CTC1: variants seen among roughly 807,000 people sequenced by gnomAD.
The protein encoded by CTC1 is CST telomere replication complex component 1.
A neutral mutation model predicts 136.3 loss-of-function variants in CTC1; 91 were observed. The ratio of observed to expected loss-of-function variants is 0.67; its 90% CI spans 0.56 to 0.79. The LOEUF (loss-of-function observed/expected upper bound fraction) is 0.79. CTC1 is among the 30% of genes least tolerant of loss of function. CTC1 has a pLI of 0.00. For synonymous variants in CTC1, 606 were observed against 613.8 expected, an observed-to-expected ratio of 0.99 and a Z score of 0.19; for missense variants, 1,432 against 1,498.1, an observed-to-expected ratio of 0.96 and a Z score of 0.73.
chr17:8,237,651 G>C (rs1354873973), intron 4 of CTC1, 132 bp from the exon 5 acceptor site: 2 of 151,020 alleles, frequency 1.3e-5, no homozygotes, highest in Non-Finnish European at 2.6e-5. Flanking sequence ...GGCAGCAGGA[G>C]TGAAACTACG....
At chr17:8,245,416 G>A (rs1200324821) in intron 1 of CTC1, among the ~76,000 whole-genome samples, 2 of 152,092 alleles carry the variant, frequency 1.3e-5, no homozygotes, top group Non-Finnish European at 2.9e-5. Flanking sequence ...GTTGTGGAAG[G>A]CAGACCAAAT....
rs748604135 is a variant in CTC1, at chr17:8,228,478, A to G, written c.3514+25T>C. On this transcript the variant is annotated intron_variant, in intron 22 of 22. Transcript: ENST00000651323. Reference sequence around the variant, plus strand: ...CTATCACCATGATCCCCCTATCATCATGATCCCCCCGTCTCCAACCTTACC... The same window carrying G: ...CTATCACCATGATCCCCCTATCATCGTGATCCCCCCGTCTCCAACCTTACC... 7 of 1,613,876 alleles carry G rather than the reference A, an allele frequency of 4.3e-6. No individual in the cohort carries two copies. In the Admixed American group the frequency reaches 8.3e-5, roughly 19 times the overall value.
Position 8,231,884 on chromosome 17 carries a change from C to T in CTC1, c.2385+19G>A, listed in dbSNP as rs766195246. 20 of 1,613,456 alleles carry T rather than the reference C, an allele frequency of 1.2e-5. No individual in the cohort carries two copies. The highest frequency in any genetic ancestry group is 1.3e-5 in the African/African-American group (1 of 74,898). ...TCAGGGCGCAGGTCAGGTCCTGGGT[C>T]CCTGGAGTCCCAGTTTACCTTCTGA... On this transcript the variant is annotated intron_variant, in intron 13 of 22. Coordinates refer to ENST00000651323, the MANE Select transcript of CTC1 (RefSeq NM_025099.6).
At chr17:8,238,764 T>A in intron 2 of CTC1, 135 bp from the exon 3 acceptor site, 1 of 637,668 alleles carries the variant, frequency 1.6e-6, no homozygotes, top group Non-Finnish European at 2.7e-6. Flanking sequence ...TTTGATTGAT[T>A]AAAGGGGTAA....
chr17:8,237,616 G>T, intron 4 of CTC1, 97 bp from the exon 5 acceptor site: 1 of 772,822 alleles, frequency 1.3e-6, no homozygotes, highest in Non-Finnish European at 1.9e-6. Flanking sequence ...AGTAAGCTGA[G>T]ATCCCGCCAT....
intron 8 of CTC1, 43 bp downstream of exon 8, chr17:8,235,010 C>G (rs1250064135): frequency 6.2e-7 from 1 of 1,608,264 alleles, no homozygotes. Flanking sequence ...AGGAAGTGTG[C>G]TACTCCCACT....
intron 14 of CTC1, 82 bp downstream of exon 14, chr17:8,231,644 G>T (rs1987236515): frequency 1.5e-6 from 2 of 1,359,498 alleles, no homozygotes; most frequent in South Asian, 1.2e-5. Flanking sequence ...CCTAGAGAAT[G>T]ACCAGGCACT....
intron 14 of CTC1, 76 bp downstream of exon 14, chr17:8,231,650 G>A: frequency 7.2e-7 from 1 of 1,385,566 alleles, no homozygotes. Context: ...GAATGACCAG[G>A]CACTGGCATG....
At chr17:8,231,849 A>G in intron 13 of CTC1, 34 bp from the exon 14 acceptor site, 1 of 1,613,536 alleles carries the variant, frequency 6.2e-7, no homozygotes, top group Non-Finnish European at 8.5e-7. Context: ...CTGGGATCCT[A>G]GCCAGAGGCT....
chr17:8,235,211 G>A lies in CTC1; in HGVS notation c.1281C>T (p.Gly427=), dbSNP rs754774538. The change falls in exon 8 of 23, where the codon GGC becomes GGT. Residue 427 remains glycine, a synonymous_variant. Transcript: ENST00000651323. The part of the protein sequence containing the change: ...RRPVLAPCLR[G]AVLLQSFSRQ... ...GAGAGAAGCTTTGAAGCAGAACGGCGCCACGGAGGCAGGGGGCGAGCACTG... is the reference window on the plus strand; with the variant it reads ...GAGAGAAGCTTTGAAGCAGAACGGCACCACGGAGGCAGGGGGCGAGCACTG... The A allele has an allele frequency of 5.6e-6, 9 of 1,614,000 alleles. No homozygotes were observed. The highest frequency in any genetic ancestry group is 1.7e-5 in the Admixed American group (1 of 60,004).
chr17:8,246,892 T>C (rs1317956526), intron 1 of CTC1, among the ~76,000 whole-genome samples: 2 of 147,856 alleles, frequency 1.4e-5, no homozygotes, highest in Non-Finnish European at 3.0e-5. Flanking sequence ...GTGACAAAGC[T>C]AGACTCCGTC....
chr17:8,234,648 C>T lies in CTC1; in HGVS notation c.1625G>A (p.Arg542Gln), dbSNP rs776684484. 153 of 1,610,376 alleles carry T rather than the reference C, an allele frequency of 9.5e-5. No homozygotes were observed. In the Middle Eastern group the frequency reaches 9.9e-4, roughly 10 times the overall value. Residue 542 changes from arginine to glutamine, a missense_variant, in exon 10 of 23, where the codon CGG (arginine) becomes CAG (glutamine). Transcript: ENST00000651323. ...PHHCPLQKYT[R>Q]LQTPSSFPTL... The stretch of plus-strand genomic sequence containing the variant: ...GGGGAAGGAGGAGGGAGTCTGCAGC[C>T]GAGTGTACTGTCAAGGAGGGAAGAG...
chr17:8,244,148 G>A (rs1988494507), intron 1 of CTC1, among the ~76,000 whole-genome samples: 1 of 152,170 alleles, frequency 6.6e-6, no homozygotes, highest in Admixed American at 6.5e-5. Flanking sequence ...TACATAAAAA[G>A]GACATAGGCA....
chr17:8,233,204 C>G, intron 10 of CTC1, 172 bp from the exon 11 acceptor site: 1 of 641,982 alleles, frequency 1.6e-6, no homozygotes, highest in South Asian at 2.0e-5. Context: ...AAAAAACACA[C>G]ACGCATTCAC....
intron 7 of CTC1, 82 bp downstream of exon 7, chr17:8,235,749 C>T (rs1260418361): frequency 4.9e-6 from 7 of 1,436,140 alleles, no homozygotes; most frequent in Non-Finnish European, 5.6e-6. Context: ...TCTATATAAC[C>T]ACCCTGCTGC....
At chr17:8,233,934 C>T (rs1987462014) in intron 10 of CTC1, among the ~76,000 whole-genome samples, 1 of 152,090 alleles carries the variant, frequency 6.6e-6, no homozygotes, top group Admixed American at 6.5e-5. Flanking sequence ...AAGATCCTGT[C>T]TCGAAAAAAA....
intron 11 of CTC1, 132 bp from the exon 12 acceptor site, chr17:8,232,607 A>G (rs1987341172): frequency 1.4e-6 from 1 of 733,262 alleles, no homozygotes; most frequent in African/African-American, 1.8e-5. Flanking sequence ...GAAAGCCCAC[A>G]CCTGACCCCC....
Position 8,235,088 on chromosome 17 carries a change from C to T in CTC1, c.1404G>A (p.Leu468=), listed in dbSNP as rs1987588693. 1.2e-6 allele frequency: 2 copies of T among 1,614,066 alleles called. No homozygotes were observed. The highest frequency in any genetic ancestry group is 1.7e-6 in the Non-Finnish European group (2 of 1,180,042). ...GCTCCTCCAGGGCCTTGGTAGCCCA[C>T]AGGTAGAGGGGAAGTCCTAACTGAC... ...WERQLGLPLY[L]WATKALEELA... is the part of the protein sequence containing the mutation. The change falls in exon 8 of 23, where the codon CTG becomes CTA. Residue 468 remains leucine (L), a synonymous_variant. Coordinates refer to ENST00000651323, the MANE Select transcript of CTC1 (RefSeq NM_025099.6).
rs373660155 is a variant in CTC1 at position 8,230,444 on chromosome 17, C to A, written c.2783G>T (p.Cys928Phe). Residue 928 changes from cysteine (C) to phenylalanine (F), a missense_variant, in exon 17 of 23, where the codon TGT (cysteine) becomes TTT (phenylalanine). Physicochemically the swap from Cys to Phe is radical, Grantham distance 205 (BLOSUM62 -2). Coordinates refer to ENST00000651323, the MANE Select transcript of CTC1 (RefSeq NM_025099.6). The stretch of plus-strand genomic sequence containing the variant: ...CTCAAGAGCGACTGTTAGCTTCACA[C>A]ACCTTCTCATGGCCCCCGTGTTCCC... ...KLGNTGAMRR[C>F]VKLTVALETA... 7 of 1,613,864 alleles carry A rather than the reference C, an allele frequency of 4.3e-6. No homozygotes were observed. In the African/African-American group the frequency reaches 9.3e-5, roughly 22 times the overall value.
Sources: gnomAD v4.1 joint callset for allele counts (sites outside exome capture counted in the v4.1 genomes callset) on GRCh38, gnomAD v4.1.1 for gene constraint, MANE v1.5 for transcripts, NCBI Gene and HGNC (gene_info 2026-07-23, HGNC 2026-07-21) for gene names.